HTR3B: variants seen among roughly 807,000 people sequenced by gnomAD.
HTR3B encodes 5-hydroxytryptamine receptor 3B, also known as 5-hydroxytryptamine (serotonin) receptor 3B, ionotropic.
A neutral mutation model predicts 42.8 loss-of-function variants in HTR3B; 44 were observed. That is an observed-to-expected ratio of 1.03 (90% CI 0.81 to 1.32). The LOEUF (loss-of-function observed/expected upper bound fraction) is 1.32, where lower values mean the gene tolerates loss of function less well. Ranked by LOEUF, HTR3B falls within the 40% of genes most tolerant of loss-of-function variation. The pLI, the probability that HTR3B is intolerant of heterozygous loss-of-function variation, is 0.00. For synonymous variants in HTR3B, 203 were observed against 209.0 expected (o/e 0.97, Z 0.25); for missense variants, 527 against 536.5 (o/e 0.98, Z 0.17).
At chr11:113,910,528 C>T (rs762447399) in intron 2 of HTR3B, among the ~76,000 whole-genome samples, 3 of 151,238 alleles carry the variant, frequency 2.0e-5, no homozygotes, top group South Asian at 2.1e-4. Flanking sequence ...GCAACCTTTG[C>T]GTCCCCGGTT....
Position 113,917,135 on chromosome 11 carries a change from AT to A in HTR3B, c.213+7694del, listed in dbSNP as rs60959011. 3.0e-3 allele frequency among the ~76,000 whole-genome samples: 432 copies of A among 142,776 alleles called. 2 individuals are homozygous for A. Among genetic ancestry groups the A allele is most frequent in the Admixed American group, 3.7e-3 (53 of 14,242 alleles). The allele number at this position is 142,776 out of a possible 152,430, so 93.7% of individuals were successfully genotyped here. On this transcript the variant is annotated intron_variant, in intron 2 of 8. Coordinates refer to ENST00000260191, the MANE Select transcript of HTR3B (RefSeq NM_006028.5). ...GTTGATAGTGGTGTTGAAATCTTCT[AT>A]TTTTTTTTTTTTTGAGATGAAGTCT...
intron 6 of HTR3B, among the ~76,000 whole-genome samples, chr11:113,940,130 ACCCG>A (rs1451581429): frequency 4.6e-5 from 7 of 151,852 alleles, no homozygotes. Flanking sequence ...CAAGTGATCC[ACCCG>A]CGTTGGCCTC....
At chr11:113,943,718 C>T (rs1950154642) in intron 7 of HTR3B, among the ~76,000 whole-genome samples, 1 of 151,800 alleles carries the variant, frequency 6.6e-6, no homozygotes. Context: ...GAAGCTGAGG[C>T]AGGAGGATTG....
chr11:113,903,645 C>T (rs1949711910), upstream of HTR3B, among the ~76,000 whole-genome samples: 1 of 152,036 alleles, frequency 6.6e-6, no homozygotes, highest in Admixed American at 6.6e-5. Flanking sequence ...TCAGGCTGGT[C>T]TCAAACTCCT....
Position 113,943,168 on chromosome 11 carries a change from A to C in HTR3B, c.883A>C (p.Ser295Arg). ...CAACATGTCCAACCAGGTGCCACGG[A>C]GTGTAGGGAGCACCCCTCTGATTGG... ...RVNMSNQVPR[S>R]VGSTPLIGHF... The change falls in exon 7 of 9, where the codon AGT becomes CGT. Residue 295 changes from serine (S) to arginine (R), a missense_variant. Ser to Arg is a moderately radical substitution (Grantham distance 110). Coordinates refer to ENST00000260191, the MANE Select transcript of HTR3B (RefSeq NM_006028.5). 6.2e-7 allele frequency: 1 copy of C among 1,613,840 alleles called. No individual in the cohort carries two copies. Among genetic ancestry groups the C allele is most frequent in the Non-Finnish European group, 8.5e-7 (1 of 1,179,898 alleles).
intron 6 of HTR3B, among the ~76,000 whole-genome samples, chr11:113,936,029 A>C (rs1038535922): frequency 2.0e-5 from 3 of 152,098 alleles, no homozygotes; most frequent in African/African-American, 7.2e-5. Flanking sequence ...TACATTCCAC[A>C]GGGGGCCCAG....
chr11:113,929,877 C>T (rs1273508928), intron 2 of HTR3B, among the ~76,000 whole-genome samples: 12 of 152,076 alleles, frequency 7.9e-5, no homozygotes, highest in South Asian at 2.1e-4. Flanking sequence ...GGACTACAGG[C>T]GCCCACGACC....
rs903010704 is a variant in HTR3B, at chr11:113,914,553, C to G, written c.213+5098C>G. Among the ~76,000 whole-genome samples the G allele has an allele frequency of 1.4e-4, 21 of 152,020 alleles. No individual in the cohort carries two copies. In the East Asian group the frequency reaches 4.1e-3, roughly 30 times the overall value. ...GCTGGAGTCCAGGGACACAATCTCA[C>G]CTCACTGCAACCTCCGCCTCCTAGC... On this transcript the variant is annotated intron_variant, in intron 2 of 8. Coordinates refer to ENST00000260191, the MANE Select transcript of HTR3B (RefSeq NM_006028.5).
At chr11:113,902,495 C>G (rs1406748550), upstream of HTR3B, among the ~76,000 whole-genome samples, 1 of 152,048 alleles carries the variant, frequency 6.6e-6, no homozygotes, top group African/African-American at 2.4e-5. Flanking sequence ...CAGGGTTTCA[C>G]CATGTTGGCC....
intron 6 of HTR3B, among the ~76,000 whole-genome samples, chr11:113,934,559 G>T (rs1030314097): frequency 1.3e-5 from 2 of 152,176 alleles, no homozygotes; most frequent in African/African-American, 4.8e-5. Context: ...CAAAGCTCTT[G>T]TTAAATCTGG....
At chr11:113,917,179 C>A (rs1237313354) in intron 2 of HTR3B, among the ~76,000 whole-genome samples, 1 of 150,876 alleles carries the variant, frequency 6.6e-6, no homozygotes, top group Admixed American at 6.6e-5. Flanking sequence ...GTCCCCCAGG[C>A]TGGAGTGCAG....
At chr11:113,928,206 C>T (rs1046643929) in intron 2 of HTR3B, among the ~76,000 whole-genome samples, 7 of 152,212 alleles carry the variant, frequency 4.6e-5, no homozygotes, top group Non-Finnish European at 8.8e-5. Context: ...CTGCAAAGGA[C>T]ATGATCTCAT....
chr11:113,915,994 G>A (rs1023965878), intron 2 of HTR3B, among the ~76,000 whole-genome samples: 1 of 152,090 alleles, frequency 6.6e-6, no homozygotes, highest in African/African-American at 2.4e-5. Context: ...ACCCACGACC[G>A]TGCCTGGCTA....
At chr11:113,937,780 C>G (rs555591108) in intron 6 of HTR3B, among the ~76,000 whole-genome samples, 15 of 152,222 alleles carry the variant, frequency 9.9e-5, no homozygotes, top group Non-Finnish European at 1.6e-4. Flanking sequence ...GCCATTTGCC[C>G]ACTGGGCATT....
intron 2 of HTR3B, among the ~76,000 whole-genome samples, chr11:113,918,422 G>C (rs1345649333): frequency 6.6e-6 from 1 of 151,786 alleles, no homozygotes; most frequent in African/African-American, 2.4e-5. Context: ...CTTTCTCTCT[G>C]CTGACTCCTA....
chr11:113,939,481 C>T (rs901740384), intron 6 of HTR3B, among the ~76,000 whole-genome samples: 4 of 152,220 alleles, frequency 2.6e-5, no homozygotes, highest in African/African-American at 7.2e-5. Context: ...TTCATATCCA[C>T]AAAGCCTGCC....
intron 2 of HTR3B, among the ~76,000 whole-genome samples, chr11:113,917,625 T>C (rs1029960494): frequency 2.6e-5 from 4 of 152,084 alleles, no homozygotes; most frequent in African/African-American, 7.2e-5. Flanking sequence ...TGGGGGTTTT[T>C]TTTGAGACAG....
intron 6 of HTR3B, among the ~76,000 whole-genome samples, chr11:113,935,044 A>G (rs541755198): frequency 1.1e-3 from 159 of 150,500 alleles, no homozygotes; most frequent in South Asian, 3.1e-3. Flanking sequence ...ACACATGTGC[A>G]CACACACACA....
intron 6 of HTR3B, among the ~76,000 whole-genome samples, chr11:113,935,629 C>T (rs992361830): frequency 2.6e-5 from 4 of 152,198 alleles, no homozygotes; most frequent in African/African-American, 9.7e-5. Flanking sequence ...CCATACCAGA[C>T]ATCCCACTCT....
Sources: allele counts gnomAD v4.1 joint callset (sites outside exome capture counted in the v4.1 genomes callset), GRCh38; gene constraint gnomAD v4.1.1; transcripts MANE v1.5; gene names NCBI Gene and HGNC (gene_info 2026-07-23, HGNC 2026-07-21).